The following MYL4 variants were observed in gnomAD, a reference collection of about 807,000 sequenced individuals.
MYL4 encodes the protein atrial myosin light chain 1.
Under a neutral mutation model 21.6 loss-of-function variants are expected in MYL4, and 16 were observed. The ratio of observed to expected loss-of-function variants is 0.74; its 90% CI spans 0.50 to 1.12. The LOEUF (loss-of-function observed/expected upper bound fraction) is 1.12. Among genes scored for constraint, MYL4 ranks in the 50% most tolerant of loss-of-function variants. The probability of loss-of-function intolerance (pLI) is 0.00; values close to 1 mark genes in which losing one functional copy is unlikely to be tolerated. For synonymous variants in MYL4, 82 were observed against 95.7 expected, an observed-to-expected ratio of 0.86 and a Z score of 0.83; for missense variants, 249 against 252.9, an observed-to-expected ratio of 0.98 and a Z score of 0.11.
rs1420279234 is a variant in MYL4, at chr17:47,222,080, T to C, written c.487+225T>C. 2.6e-5 allele frequency among the ~76,000 whole-genome samples: 4 copies of C among 152,018 alleles called. No homozygotes were observed. The South Asian group carries it at 8.3e-4, about 32-fold the overall frequency. On this transcript the variant is annotated intron_variant, in intron 4 of 6. Transcript: ENST00000393450. ...GTTTGGGAGAGGAGGGGAGAGCAGG[T>C]TGGCAGAGCAGGGCTTACTACTGAG...
chr17:47,189,585 G>C, the MYL4 span, among the ~76,000 whole-genome samples: 1 of 152,390 alleles, frequency 6.6e-6, no homozygotes, highest in Non-Finnish European at 1.5e-5. Context: ...GCGTGACAGC[G>C]CGGGCGGGTA....
At chr17:47,196,612 T>A (rs547014559), upstream of MYL4, among the ~76,000 whole-genome samples, 12 of 152,312 alleles carry the variant, frequency 7.9e-5, no homozygotes, top group African/African-American at 2.9e-4. Context: ...CCCTTACTCT[T>A]TGACCAGTGA....
chr17:47,207,222 G>A (rs770913171), upstream of MYL4, among the ~76,000 whole-genome samples: 121 of 152,110 alleles, frequency 8.0e-4, 2 homozygotes, highest in Non-Finnish European at 5.3e-4. Flanking sequence ...TTTCCTGCCC[G>A]TTTCCTTTGA....
At chr17:47,192,614 C>T in the MYL4 span, among the ~76,000 whole-genome samples, 1 of 150,920 alleles carries the variant, frequency 6.6e-6, no homozygotes, top group Non-Finnish European at 1.5e-5. Context: ...CGGGCCACTG[C>T]ACTCCAGCCT....
intron 2 of MYL4, among the ~76,000 whole-genome samples, chr17:47,215,196 G>A (rs750062017): frequency 2.0e-5 from 3 of 152,214 alleles, no homozygotes; most frequent in Admixed American, 2.0e-4. Flanking sequence ...ATACTCACTT[G>A]CAGCATTAAT....
chr17:47,193,877 T>A, the MYL4 span, among the ~76,000 whole-genome samples: 1 of 152,204 alleles, frequency 6.6e-6, no homozygotes, highest in Admixed American at 6.5e-5. Context: ...TGCCTCAGCC[T>A]CCCGAGTAGC....
chr17:47,220,551 G>A (rs544814755), intron 3 of MYL4, among the ~76,000 whole-genome samples: 5 of 152,318 alleles, frequency 3.3e-5, no homozygotes, highest in South Asian at 2.1e-4. Flanking sequence ...TTAGCTCTAC[G>A]TGCTGCCTCT....
chr17:47,215,986 C>T (rs1389027851), intron 2 of MYL4, among the ~76,000 whole-genome samples: 1 of 151,946 alleles, frequency 6.6e-6, no homozygotes, highest in African/African-American at 2.4e-5. Context: ...GCTATTTTGC[C>T]CAGACTGGAC....
At chr17:47,201,221 T>G (rs1479878676) in intron 1 of MYL4, among the ~76,000 whole-genome samples, 2 of 152,120 alleles carry the variant, frequency 1.3e-5, no homozygotes, top group Non-Finnish European at 2.9e-5. Flanking sequence ...TTTACTGTGG[T>G]CCTTGAACTT....
At chr17:47,195,483 C>CCT (rs2064686267), upstream of MYL4, among the ~76,000 whole-genome samples, 1 of 152,128 alleles carries the variant, frequency 6.6e-6, no homozygotes, top group Non-Finnish European at 1.5e-5. Context: ...CCCGCCTTGG[C>CCT]CTCCCAAAGT....
At chr17:47,196,363 A>C (rs562129917), upstream of MYL4, among the ~76,000 whole-genome samples, 1 of 152,258 alleles carries the variant, frequency 6.6e-6, no homozygotes, top group East Asian at 1.9e-4. Context: ...GAGAAAATAA[A>C]TCTCTAATGT....
At chr17:47,209,735 T>G (rs1390521782) in intron 1 of MYL4, 178 bp downstream of exon 1, 2 of 885,986 alleles carry the variant, frequency 2.3e-6, no homozygotes, top group African/African-American at 1.7e-5. Context: ...AGGGGGAGAT[T>G]GAGTCATAAA....
At chr17:47,213,180 A>G (rs1165707888) in intron 1 of MYL4, among the ~76,000 whole-genome samples, 2 of 152,152 alleles carry the variant, frequency 1.3e-5, no homozygotes, top group Non-Finnish European at 2.9e-5. Context: ...TCAGACCCGG[A>G]GGCATTACAA....
upstream of MYL4, among the ~76,000 whole-genome samples, chr17:47,197,103 T>TG (rs1197302105): frequency 9.2e-5 from 6 of 65,466 alleles, no homozygotes; most frequent in East Asian, 1.3e-3. Flanking sequence ...TTTTTTTTTT[T>TG]TTTTTTTTTT....
At chr17:47,214,920 TCA>T (rs2064803143) in intron 2 of MYL4, among the ~76,000 whole-genome samples, 1 of 152,226 alleles carries the variant, frequency 6.6e-6, no homozygotes. Flanking sequence ...ATATAGACTC[TCA>T]CACACAGATG....
chr17:47,225,855 CTT>C (rs60342000), downstream of MYL4, among the ~76,000 whole-genome samples: 15,294 of 113,082 alleles, frequency 0.14, 918 homozygotes, highest in East Asian at 0.43. Flanking sequence ...TCCTTCCCTT[CTT>C]TTTTTTTTTT....
In MYL4 at chr17:47,221,872, G is replaced by A; in HGVS notation, c.487+17G>A. ...CCACCCTGGGTATGCCAGCTGGGCA[G>A]AGATGAAGACCAAGTGGGAGGAATG... is the stretch of plus-strand genomic sequence containing the variant. On this transcript the variant is annotated intron_variant, in intron 4 of 6. Coordinates refer to ENST00000393450, the MANE Select transcript of MYL4 (RefSeq NM_002476.2). The A allele has an allele frequency of 6.2e-7, 1 of 1,608,692 alleles. No homozygotes were observed.
At chr17:47,203,540 TTC>T (rs1245034872) in intron 1 of MYL4, among the ~76,000 whole-genome samples, 2 of 152,210 alleles carry the variant, frequency 1.3e-5, no homozygotes, top group African/African-American at 4.8e-5. Flanking sequence ...ATAGTTGATA[TTC>T]TGTTTGTTCT....
chr17:47,189,597 C>A, the MYL4 span, among the ~76,000 whole-genome samples: 2 of 152,236 alleles, frequency 1.3e-5, no homozygotes, highest in Non-Finnish European at 2.9e-5. Flanking sequence ...GGGCGGGTAG[C>A]GTTACGTGGC....
Sources: allele counts gnomAD v4.1 joint callset (sites outside exome capture counted in the v4.1 genomes callset), GRCh38; gene constraint gnomAD v4.1.1; transcripts MANE v1.5; gene names NCBI Gene and HGNC (gene_info 2026-07-23, HGNC 2026-07-21).